Variants in RBFOX1 observed in about 807,000 individuals in gnomAD.
RBFOX1 encodes the protein RNA binding fox-1 homolog 1.
RBFOX1 carries 8 observed loss-of-function variants against 57.7 expected under a neutral mutation model. That is an observed-to-expected ratio of 0.14 (90% confidence interval 0.08 to 0.25). The LOEUF (loss-of-function observed/expected upper bound fraction) is 0.25, where lower values mean the gene tolerates loss of function less well. Among genes scored for constraint, RBFOX1 ranks in the 10% least tolerant of loss-of-function variants. The pLI is 1.00. For synonymous variants in RBFOX1, 326 were observed against 222.4 expected (o/e 1.47, Z -4.15); for missense variants, 611 against 548.5 (o/e 1.11, Z -1.14).
intron 11 of RBFOX1, among the ~76,000 whole-genome samples, chr16:7,650,882 G>C (rs1597322009): frequency 6.6e-6 from 1 of 152,120 alleles, no homozygotes; most frequent in South Asian, 2.1e-4. Context: ...CAGTCCTGAA[G>C]CAAGCGTCTC....
rs986854644 is a variant in RBFOX1 at position 6,861,370 on chromosome 16, C to G, written c.-15-190687C>G. Among the ~76,000 whole-genome samples, 6 of 152,182 alleles carry G rather than the reference C, an allele frequency of 3.9e-5. No homozygotes were observed. In the South Asian group the frequency reaches 8.3e-4, roughly 21 times the overall value. ...AGTAAAGAGATGCAGTACCCTCAAT[C>G]TACAAGACAAAAGATGGACCAGTCA... On this transcript the variant is annotated intron_variant, in intron 3 of 15. Transcript: ENST00000550418.
chr16:5,652,377 G>C (rs770232248), intron 3 of RBFOX1, among the ~76,000 whole-genome samples: 9 of 152,174 alleles, frequency 5.9e-5, no homozygotes, highest in Admixed American at 5.9e-4. Flanking sequence ...ATGCAGATCG[G>C]TCTGACCCCA....
intron 1 of RBFOX1, among the ~76,000 whole-genome samples, chr16:6,315,836 A>G (rs73523297): frequency 0.016 from 2,418 of 152,230 alleles, 55 homozygotes; most frequent in African/African-American, 0.054. Context: ...GTTGTAATTT[A>G]TCAACAAGAG....
At chr16:6,431,447 C>T (rs1011528057) in intron 2 of RBFOX1, among the ~76,000 whole-genome samples, 4 of 151,990 alleles carry the variant, frequency 2.6e-5, no homozygotes, top group Admixed American at 1.3e-4. Flanking sequence ...ACTACCTAAG[C>T]CCAGGAAGCG....
intron 3 of RBFOX1, among the ~76,000 whole-genome samples, chr16:5,801,005 G>C (rs758648398): frequency 1.8e-4 from 27 of 152,168 alleles, no homozygotes; most frequent in Non-Finnish European, 3.1e-4. Context: ...AAGACAGAGA[G>C]TGGGATCTTC....
At chr16:7,274,901 C>G (rs956106984) in intron 4 of RBFOX1, among the ~76,000 whole-genome samples, 2 of 152,068 alleles carry the variant, frequency 1.3e-5, no homozygotes, top group South Asian at 2.1e-4. Context: ...GCCAGGCTGT[C>G]TCGAGCTCTT....
At chr16:5,910,847 A>G (rs9927950) in intron 4 of RBFOX1, among the ~76,000 whole-genome samples, 74,481 of 151,902 alleles carry the variant, frequency 0.49, 19,199 homozygotes, top group African/African-American at 0.65. Flanking sequence ...AACCCCAGGA[A>G]AGCTCCCTGT....
chr16:5,361,915 G>C (rs1269437396), intron 1 of RBFOX1, among the ~76,000 whole-genome samples: 1 of 152,208 alleles, frequency 6.6e-6, no homozygotes, highest in East Asian at 1.9e-4. Context: ...AATGTTCTGA[G>C]AATGGTTTGG....
chr16:5,241,022 G>A (rs1461476245), intron 1 of RBFOX1, among the ~76,000 whole-genome samples: 2 of 152,214 alleles, frequency 1.3e-5, no homozygotes, highest in Non-Finnish European at 2.9e-5. Flanking sequence ...TTTTATGTTT[G>A]ACCATTTGCT....
intron 14 of RBFOX1, among the ~76,000 whole-genome samples, chr16:7,700,682 G>C (rs2080386088): frequency 6.6e-6 from 1 of 152,186 alleles, no homozygotes; most frequent in Admixed American, 6.5e-5. Context: ...TGTGCCTACA[G>C]CTCCTTTTTT....
intron 4 of RBFOX1, among the ~76,000 whole-genome samples, chr16:7,102,270 G>A (rs1273755567): frequency 6.6e-6 from 1 of 152,132 alleles, no homozygotes; most frequent in Non-Finnish European, 1.5e-5. Context: ...CCTTTGTATA[G>A]GAACTCCATT....
intron 3 of RBFOX1, among the ~76,000 whole-genome samples, chr16:6,918,278 T>C (rs1686867443): frequency 3.4e-5 from 4 of 116,172 alleles, no homozygotes; most frequent in African/African-American, 1.0e-4. Flanking sequence ...CAAGACTCCA[T>C]CTCAAAAAAA....
intron 15 of RBFOX1, 55 bp downstream of exon 15, chr16:7,709,186 C>T: frequency 5.4e-6 from 8 of 1,493,218 alleles, no homozygotes; most frequent in South Asian, 1.1e-5. Context: ...TCCCTTTCCC[C>T]AGCTGGGACC....
At chr16:5,986,706 A>G (rs1265461245) in intron 4 of RBFOX1, among the ~76,000 whole-genome samples, 5 of 152,178 alleles carry the variant, frequency 3.3e-5, no homozygotes, top group Non-Finnish European at 1.5e-5. Context: ...AGTTGTGTGT[A>G]TCAATATTTC....
In RBFOX1 at chr16:5,476,996, A is replaced by G. The variant is rs570786774; in HGVS notation, c.258+9742A>G. Among the ~76,000 whole-genome samples, 231 of 152,244 alleles carry G rather than the reference A, an allele frequency of 1.5e-3. 1 individual carries two copies. Among genetic ancestry groups the G allele is most frequent in the African/African-American group, 5.4e-3 (224 of 41,538 alleles). On this transcript the variant is annotated intron_variant, in intron 2 of 2. Coordinates refer to the RBFOX1 transcript ENST00000585867. ...ACAGATTTGGAAAACACACATTGGT[A>G]AACTATTTTGGTGTTTATTTATTTA... is the stretch of plus-strand genomic sequence containing the variant.
intron 4 of RBFOX1, among the ~76,000 whole-genome samples, chr16:5,884,195 T>G (rs1418747512): frequency 6.6e-6 from 1 of 152,226 alleles, no homozygotes; most frequent in South Asian, 2.1e-4. Context: ...CAATTTTACA[T>G]TTAAGCAGCA....
intron 2 of RBFOX1, among the ~76,000 whole-genome samples, chr16:5,588,757 G>A (rs2046912007): frequency 6.6e-6 from 1 of 152,254 alleles, no homozygotes; most frequent in South Asian, 2.1e-4. Context: ...GGGTCGGGGG[G>A]AAATGGAGTC....
intron 5 of RBFOX1, among the ~76,000 whole-genome samples, chr16:7,542,021 G>A (rs929108208): frequency 6.6e-6 from 1 of 152,182 alleles, no homozygotes; most frequent in African/African-American, 2.4e-5. Context: ...CTTCTCTTTT[G>A]ACCTGAGCTG....
At chr16:6,246,611 C>T (rs1019444074) in intron 1 of RBFOX1, among the ~76,000 whole-genome samples, 11 of 152,064 alleles carry the variant, frequency 7.2e-5, no homozygotes, top group Non-Finnish European at 1.6e-4. Flanking sequence ...GGTGATTCCA[C>T]CAGAAGAGAG....
Sources: gnomAD v4.1 joint callset for allele counts (sites outside exome capture counted in the v4.1 genomes callset) on GRCh38, gnomAD v4.1.1 for gene constraint, MANE v1.5 for transcripts, NCBI Gene and HGNC (gene_info 2026-07-23, HGNC 2026-07-21) for gene names.